The following SNTB1 variants were observed in gnomAD, a reference collection of about 807,000 sequenced individuals.
The protein encoded by SNTB1 is syntrophin beta 1.
Under a neutral mutation model 48.9 loss-of-function variants are expected in SNTB1, and 36 were observed. That is an observed-to-expected ratio of 0.74 (90% CI 0.56 to 0.97). SNTB1 has a LOEUF of 0.97. Ranked by LOEUF, SNTB1 falls within the 50% of genes least tolerant of loss-of-function variation. SNTB1 has a pLI of 0.00. For missense variants in SNTB1, 786 were observed against 703.4 expected, an observed-to-expected ratio of 1.12 and a Z score of -1.33; for synonymous variants, 299 against 294.6, an observed-to-expected ratio of 1.01 and a Z score of -0.15.
chr8:120,609,335 CAAT>C (rs1816580530), intron 3 of SNTB1, among the ~76,000 whole-genome samples: 1 of 152,180 alleles, frequency 6.6e-6, no homozygotes, highest in Admixed American at 6.5e-5. Context: ...CTGAAGACAA[CAAT>C]GAGTAGACCA....
At chr8:120,636,474 T>G (rs930211498) in intron 2 of SNTB1, among the ~76,000 whole-genome samples, 23 of 131,392 alleles carry the variant, frequency 1.8e-4, no homozygotes, top group Non-Finnish European at 3.2e-5. Flanking sequence ...TTCCCACCTA[T>G]GAGTGAGAAT....
intron 3 of SNTB1, among the ~76,000 whole-genome samples, chr8:120,603,336 G>A (rs1387446739): frequency 1.3e-5 from 2 of 152,172 alleles, no homozygotes; most frequent in African/African-American, 4.8e-5. Context: ...CTGGCCTCAA[G>A]TGATCCACCC....
intron 5 of SNTB1, among the ~76,000 whole-genome samples, chr8:120,548,058 C>T (rs1232855673): frequency 6.6e-6 from 1 of 152,134 alleles, no homozygotes; most frequent in East Asian, 1.9e-4. Flanking sequence ...TGGTTCCCTC[C>T]TCCTTTCAGT....
intron 1 of SNTB1, among the ~76,000 whole-genome samples, chr8:120,772,244 TTTC>T (rs1014485418): frequency 6.6e-6 from 1 of 150,602 alleles, no homozygotes; most frequent in Non-Finnish European, 1.5e-5. Context: ...CACACAATTT[TTTC>T]TTCTTTTTTT....
chr8:120,734,608 G>A (rs1011383402), intron 1 of SNTB1, among the ~76,000 whole-genome samples: 5 of 152,276 alleles, frequency 3.3e-5, no homozygotes, highest in South Asian at 2.1e-4. Context: ...GGATAAGACC[G>A]ATGGAAATAA....
intron 2 of SNTB1, among the ~76,000 whole-genome samples, chr8:120,673,293 T>TC (rs1203941479): frequency 6.6e-6 from 1 of 150,388 alleles, no homozygotes; most frequent in Non-Finnish European, 1.5e-5. Context: ...CTTTTTTCTT[T>TC]CTTTTTTTTT....
rs752027501 is a variant in SNTB1, at chr8:120,811,379, G to A, written c.465C>T (p.Tyr155=). 3.1e-6 allele frequency: 5 copies of A among 1,613,790 alleles called. No individual in the cohort carries two copies. Among genetic ancestry groups the A allele is most frequent in the Non-Finnish European group, 4.2e-6 (5 of 1,179,940 alleles). ...GLAADQTQAL[Y]VGDAILSVNG... is the part of the protein sequence containing the mutation. Reference sequence around the variant, plus strand: ...TCACGGACAGGATGGCGTCGCCCACGTACAGGGCTTGGGTCTGGTCCGCCG... The same window carrying A: ...TCACGGACAGGATGGCGTCGCCCACATACAGGGCTTGGGTCTGGTCCGCCG... The change falls in exon 1 of 7, where the codon TAC becomes TAT. Residue 155 remains tyrosine (Y), a synonymous_variant. Coordinates refer to ENST00000517992, the MANE Select transcript of SNTB1 (RefSeq NM_021021.4).
At chr8:120,747,364 A>C (rs4871113) in intron 1 of SNTB1, among the ~76,000 whole-genome samples, 19,737 of 152,074 alleles carry the variant, frequency 0.13, 1,648 homozygotes, top group African/African-American at 0.23. Context: ...AATCTTGGCT[A>C]GTTGTAACCA....
At chr8:120,702,637 T>C (rs1818325773) in intron 1 of SNTB1, among the ~76,000 whole-genome samples, 1 of 151,754 alleles carries the variant, frequency 6.6e-6, no homozygotes, top group Non-Finnish European at 1.5e-5. Context: ...ATCGTGATGA[T>C]GGCTTATTCC....
At chr8:120,783,302 T>A (rs558165936) in intron 1 of SNTB1, among the ~76,000 whole-genome samples, 10 of 152,318 alleles carry the variant, frequency 6.6e-5, no homozygotes, top group Admixed American at 4.6e-4. Flanking sequence ...AATCTCAATC[T>A]AAATGTGGGT....
At chr8:120,594,864 G>C (rs992118077) in intron 3 of SNTB1, among the ~76,000 whole-genome samples, 5 of 152,032 alleles carry the variant, frequency 3.3e-5, no homozygotes, top group African/African-American at 1.2e-4. Flanking sequence ...TTCAGTTTGG[G>C]AAGATGAAAA....
At chr8:120,542,948 C>G (rs971758497) in intron 5 of SNTB1, among the ~76,000 whole-genome samples, 6 of 152,090 alleles carry the variant, frequency 3.9e-5, no homozygotes, top group African/African-American at 1.4e-4. Flanking sequence ...TGCTGACAGA[C>G]CTCAGATGTG....
At chr8:120,631,837 T>TTA in intron 3 of SNTB1, among the ~76,000 whole-genome samples, 1 of 152,310 alleles carries the variant, frequency 6.6e-6, no homozygotes, top group East Asian at 1.9e-4. Flanking sequence ...AAGTCTTTAT[T>TTA]ATCTTTTCAC....
intron 1 of SNTB1, among the ~76,000 whole-genome samples, chr8:120,778,824 A>C (rs1819782542): frequency 6.6e-6 from 1 of 152,240 alleles, no homozygotes; most frequent in Admixed American, 6.5e-5. Context: ...TGAGACTGGA[A>C]TAGTCTAAAA....
intron 4 of SNTB1, among the ~76,000 whole-genome samples, chr8:120,569,572 C>T (rs10955974): frequency 0.21 from 31,338 of 152,168 alleles, 4,107 homozygotes; most frequent in East Asian, 0.46. Flanking sequence ...GCCTGCGAGA[C>T]GACATCCCTC....
chr8:120,643,009 G>C (rs1202898833), intron 2 of SNTB1, among the ~76,000 whole-genome samples: 5 of 152,192 alleles, frequency 3.3e-5, no homozygotes, highest in African/African-American at 1.2e-4. Flanking sequence ...AGTGGTTCTG[G>C]CTCAGGAATT....
chr8:120,639,831 C>G (rs1563838707), intron 2 of SNTB1, among the ~76,000 whole-genome samples: 1 of 152,130 alleles, frequency 6.6e-6, no homozygotes, highest in Non-Finnish European at 1.5e-5. Flanking sequence ...CAGCTTTGCT[C>G]TCTTGACTTA....
intron 5 of SNTB1, among the ~76,000 whole-genome samples, chr8:120,546,566 C>T (rs1356086716): frequency 1.3e-5 from 2 of 152,282 alleles, no homozygotes; most frequent in East Asian, 1.9e-4. Flanking sequence ...ACCTCTGCCT[C>T]CTGGGTTCAA....
chr8:120,551,285 G>T (rs529442990), intron 4 of SNTB1, among the ~76,000 whole-genome samples: 1 of 150,904 alleles, frequency 6.6e-6, no homozygotes, highest in South Asian at 2.1e-4. Context: ...AATTAAATAG[G>T]TCATGTGAGG....
Sources: allele counts gnomAD v4.1 joint callset (sites outside exome capture counted in the v4.1 genomes callset), GRCh38; gene constraint gnomAD v4.1.1; transcripts MANE v1.5; gene names NCBI Gene and HGNC (gene_info 2026-07-23, HGNC 2026-07-21).